Variants in COL22A1 observed in about 807,000 individuals in gnomAD.
COL22A1 encodes collagen type XXII alpha 1 chain, also known as collagen alpha-1(XXII) chain.
In COL22A1, 221 loss-of-function variants were observed where a neutral mutation model predicts 248.9. The ratio of observed to expected loss-of-function variants is 0.89; its 90% CI spans 0.80 to 0.99. The LOEUF (loss-of-function observed/expected upper bound fraction) is 0.99, where lower values mean the gene tolerates loss of function less well. COL22A1 is among the 50% of genes least tolerant of loss of function. The probability of loss-of-function intolerance (pLI) is 0.00; values close to 1 mark genes in which losing one functional copy is unlikely to be tolerated. For missense variants in COL22A1, 2,240 were observed against 2,179.0 expected (o/e 1.03, Z -0.56); for synonymous variants, 891 against 793.4 (o/e 1.12, Z -2.07).
chr8:138,889,854 A>T (rs574954615), intron 1 of COL22A1, among the ~76,000 whole-genome samples: 13 of 152,332 alleles, frequency 8.5e-5, no homozygotes, highest in African/African-American at 2.9e-4. Flanking sequence ...CATTGCAGAA[A>T]CCCGGCTTTA....
chr8:138,803,755 A>C (rs2131635057), intron 10 of COL22A1, among the ~76,000 whole-genome samples: 1 of 152,312 alleles, frequency 6.6e-6, no homozygotes, highest in East Asian at 1.9e-4. Flanking sequence ...GAGCCAATCC[A>C]AGATAGGTGT....
At chr8:138,876,914 C>T (rs1310658057) in intron 3 of COL22A1, among the ~76,000 whole-genome samples, 1 of 152,230 alleles carries the variant, frequency 6.6e-6, no homozygotes, top group African/African-American at 2.4e-5. Flanking sequence ...TACTCAGCAC[C>T]CACTGTGACT....
intron 4 of COL22A1, among the ~76,000 whole-genome samples, chr8:138,835,622 AT>A (rs371242017): frequency 3.1e-4 from 47 of 152,236 alleles, no homozygotes; most frequent in African/African-American, 9.9e-4. Flanking sequence ...CACAGTGCAG[AT>A]TTGTCAAACT....
chr8:138,867,718 T>C (rs1823003215), intron 3 of COL22A1, among the ~76,000 whole-genome samples: 1 of 152,218 alleles, frequency 6.6e-6, no homozygotes, highest in African/African-American at 2.4e-5. Context: ...ATGTGCGTGT[T>C]CCCTCTGCTC....
At chr8:138,854,720 T>C (rs1466669650) in intron 3 of COL22A1, among the ~76,000 whole-genome samples, 9 of 152,178 alleles carry the variant, frequency 5.9e-5, no homozygotes, top group African/African-American at 2.2e-4. Context: ...AGCCTTGGCC[T>C]CCGAGACCCC....
chr8:138,604,548 T>C (rs949027413), intron 59 of COL22A1, among the ~76,000 whole-genome samples, 186 bp downstream of exon 59: 3 of 152,126 alleles, frequency 2.0e-5, no homozygotes, highest in Non-Finnish European at 2.9e-5. Context: ...GCTACATAAT[T>C]TGTGGGGCTC....
intron 52 of COL22A1, chr8:138,620,610 C>T (rs1216322751): frequency 6.6e-6 from 1 of 152,182 alleles, no homozygotes; most frequent in African/African-American, 2.4e-5. Flanking sequence ...TCAGAGTCAA[C>T]TGTGATGGCC....
chr8:138,870,942 T>G (rs529063323), intron 3 of COL22A1, among the ~76,000 whole-genome samples: 1 of 151,890 alleles, frequency 6.6e-6, no homozygotes, highest in East Asian at 1.9e-4. Context: ...TGTGTGGGTG[T>G]GTGTAGGTGG....
chr8:138,877,997 G>T lies in COL22A1; in HGVS notation c.411C>A (p.Pro137=). ...RSFSPHAGGR[P]RDRAYKQVAI... ...CCACCTGCTTGTAGGCGCGGTCCCTGGGGCGGCCGCCGGCGTGTGGGGAGA... is the reference window on the plus strand; with the variant it reads ...CCACCTGCTTGTAGGCGCGGTCCCTTGGGCGGCCGCCGGCGTGTGGGGAGA... Residue 137 remains proline, a synonymous_variant, in exon 3 of 65, where the codon CCC becomes CCA. Transcript: ENST00000303045. The T allele has an allele frequency of 6.3e-7, 1 of 1,584,090 alleles. No homozygotes were observed. Among genetic ancestry groups the T allele is most frequent in the Non-Finnish European group, 8.6e-7 (1 of 1,165,442 alleles).
chr8:138,617,081 A>T (rs1054772241), intron 53 of COL22A1, 123 bp from the exon 54 acceptor site: 15 of 994,482 alleles, frequency 1.5e-5, no homozygotes, highest in Non-Finnish European at 2.4e-5. Flanking sequence ...CATTTGCAGG[A>T]TACTGAGCCC....
Position 138,778,375 on chromosome 8 carries a change from G to A in COL22A1, c.1736C>T (p.Pro579Leu). Residue 579 changes from proline (P) to leucine (L), a missense_variant, in exon 15 of 65, where the codon CCT (proline) becomes CTT (leucine). Physicochemically the swap from Pro to Leu is moderately conservative, Grantham distance 98. Coordinates refer to ENST00000303045, the MANE Select transcript of COL22A1 (RefSeq NM_152888.3). The stretch of plus-strand genomic sequence containing the variant: ...TACAGGAGCTCCGACACGTCCAGGA[G>A]GTCCGGGGAGTCCAGGTGGTCCTTG... ...GPQGPPGLPG[P>L]PGRVGAPGLQ... 2 of 1,612,290 alleles carry A rather than the reference G, an allele frequency of 1.2e-6. No homozygotes were observed. Among genetic ancestry groups the A allele is most frequent in the Middle Eastern group, 1.7e-4 (1 of 6,044 alleles).
intron 59 of COL22A1, among the ~76,000 whole-genome samples, chr8:138,602,540 G>A (rs952003134): frequency 6.6e-5 from 10 of 152,140 alleles, no homozygotes; most frequent in Admixed American, 2.6e-4. Context: ...ATAGTTCTGC[G>A]GTCTCATGGC....
chr8:138,755,848 C>T lies in COL22A1; in HGVS notation c.1903-19G>A, dbSNP rs1161895160. The T allele has an allele frequency of 1.9e-6, 3 of 1,612,576 alleles. No homozygotes were observed. Among genetic ancestry groups the T allele is most frequent in the African/African-American group, 1.3e-5 (1 of 75,010 alleles). ...CGTCACCCTGCACAGAAACGACAAA[C>T]ATTTCAGCATAGTTACTGGTGCCAC... On this transcript the variant is annotated intron_variant, in intron 18 of 64. Transcript: ENST00000303045.
intron 16 of COL22A1, among the ~76,000 whole-genome samples, chr8:138,771,145 G>C (rs556385015): frequency 2.6e-4 from 40 of 152,314 alleles, no homozygotes; most frequent in African/African-American, 9.1e-4. Flanking sequence ...CACGTCACCT[G>C]GTGCAGGCTG....
At chr8:138,806,014 AGGTAATG>A (rs1817600474) in intron 10 of COL22A1, among the ~76,000 whole-genome samples, 53 of 6,662 alleles carry the variant, frequency 8.0e-3, no homozygotes, top group Middle Eastern at 0.056. Context: ...GTGACGGTGT[AGGTAATG>A]GTGTGTGGTT....
chr8:138,749,721 G>A (rs1194508081), intron 22 of COL22A1, among the ~76,000 whole-genome samples: 4 of 152,324 alleles, frequency 2.6e-5, no homozygotes, highest in South Asian at 2.1e-4. Context: ...CTGCTGAGAC[G>A]TGGATCAGCA....
At chr8:138,771,593 T>C (rs777663340) in intron 16 of COL22A1, among the ~76,000 whole-genome samples, 59 of 152,138 alleles carry the variant, frequency 3.9e-4, no homozygotes, top group Non-Finnish European at 3.4e-4. Flanking sequence ...CAACGCTACA[T>C]GGAAAAAAGC....
Position 138,684,439 on chromosome 8 carries a change from G to T in COL22A1, c.2998C>A (p.Pro1000Thr), listed in dbSNP as rs915568660. 6 of 1,610,630 alleles carry T rather than the reference G, an allele frequency of 3.7e-6. No individual in the cohort carries two copies. Among genetic ancestry groups the T allele is most frequent in the Non-Finnish European group, 5.1e-6 (6 of 1,176,864 alleles). Residue 1000 changes from proline (P) to threonine (T), a missense_variant, in exon 39 of 65, where the codon CCC (proline) becomes ACC (threonine). Pro to Thr is a conservative substitution (Grantham distance 38). Coordinates refer to ENST00000303045, the MANE Select transcript of COL22A1 (RefSeq NM_152888.3). ...GLRGSPGLPG[P>T]LGTKAACGKV... ...CAAGCACTCACCTTGGTTCCTAGGG[G>T]TCCAGGGAGTCCAGGTGATCCACGG...
chr8:138,825,207 C>T (rs1819488198), intron 6 of COL22A1, among the ~76,000 whole-genome samples: 1 of 152,206 alleles, frequency 6.6e-6, no homozygotes, highest in African/African-American at 2.4e-5. Context: ...ATCCCAACTC[C>T]TCCATTCAGC....
Sources: allele counts gnomAD v4.1 joint callset (sites outside exome capture counted in the v4.1 genomes callset), GRCh38; gene constraint gnomAD v4.1.1; transcripts MANE v1.5; gene names NCBI Gene and HGNC (gene_info 2026-07-23, HGNC 2026-07-21).